ATP13A3: variants seen among roughly 807,000 people sequenced by gnomAD.
The protein encoded by ATP13A3 is polyamine-transporting ATPase 13A3.
In ATP13A3, 59 loss-of-function variants were observed where a neutral mutation model predicts 158.1. The ratio of observed to expected loss-of-function variants is 0.37; its 90% CI spans 0.30 to 0.46. The LOEUF is 0.46. ATP13A3 is among the 20% of genes least tolerant of loss of function. The pLI is 1.00. For synonymous variants in ATP13A3, 491 were observed against 504.3 expected (o/e 0.97, Z 0.35); for missense variants, 1,166 against 1,525.2 (o/e 0.76, Z 3.92).
chr3:194,492,625 T>G (rs1288671038), intron 2 of ATP13A3, among the ~76,000 whole-genome samples: 1 of 152,118 alleles, frequency 6.6e-6, no homozygotes, highest in Non-Finnish European at 1.5e-5. Flanking sequence ...CAGCTAATTT[T>G]TTGTATTTTT....
chr3:194,409,828 C>T (rs1377291541), intron 33 of ATP13A3, among the ~76,000 whole-genome samples: 1 of 150,076 alleles, frequency 6.7e-6, no homozygotes, highest in African/African-American at 2.5e-5. Flanking sequence ...TTGAGAACCA[C>T]GGCCTTATGG....
chr3:194,434,028 A>G (rs969880993), intron 20 of ATP13A3, 132 bp from the exon 21 acceptor site: 1 of 964,668 alleles, frequency 1.0e-6, no homozygotes, highest in Non-Finnish European at 1.5e-6. Context: ...TCTATAAATG[A>G]AAACATTTTA....
chr3:194,407,586 A>G (rs1398501725), intron 33 of ATP13A3, among the ~76,000 whole-genome samples: 2 of 152,180 alleles, frequency 1.3e-5, no homozygotes, highest in Non-Finnish European at 2.9e-5. Flanking sequence ...ACCGCTCTCA[A>G]TGTTAAAGGT....
chr3:194,438,606 C>T (rs1717826785), intron 17 of ATP13A3, among the ~76,000 whole-genome samples: 1 of 152,080 alleles, frequency 6.6e-6, no homozygotes, highest in East Asian at 1.9e-4. Flanking sequence ...GGACTTGTGA[C>T]TTCCTCTTCT....
At chr3:194,460,566 T>C in intron 4 of ATP13A3, 92 bp downstream of exon 4, 3 of 1,304,244 alleles carry the variant, frequency 2.3e-6, no homozygotes, top group Admixed American at 2.2e-5. Flanking sequence ...CAGGCAGCGA[T>C]GTTCCCTTCA....
chr3:194,450,589 G>A (rs1285985885), intron 10 of ATP13A3: 1 of 274,228 alleles, frequency 3.6e-6, no homozygotes, highest in Non-Finnish European at 7.2e-6. Flanking sequence ...TTAGCCTAAG[G>A]AAGAGACACA....
At chr3:194,425,246 C>G (rs552422609) in intron 30 of ATP13A3, 96 bp downstream of exon 30, 2 of 1,145,638 alleles carry the variant, frequency 1.7e-6, no homozygotes, top group Non-Finnish European at 2.5e-6. Context: ...CTGTGAAGAT[C>G]TGGTTTACTG....
intron 2 of ATP13A3, among the ~76,000 whole-genome samples, chr3:194,480,183 C>T (rs1335936716): frequency 6.6e-6 from 1 of 152,150 alleles, no homozygotes; most frequent in African/African-American, 2.4e-5. Context: ...CCCTTTATCA[C>T]CTCTATCTGG....
Position 194,404,848 on chromosome 3 carries a change from A to G in ATP13A3, c.*1071T>C, listed in dbSNP as rs1714829647. ...ACCTCTGGCGCCACCTAATGGCATA[A>G]AACAAACTCATCAAATTCATATTGC... On this transcript the variant is annotated 3_prime_UTR_variant, in exon 34 of 34. Transcript: ENST00000645319. 3 of 152,182 alleles carry G rather than the reference A, an allele frequency of 2.0e-5. No individual in the cohort carries two copies. The highest frequency in any genetic ancestry group is 7.2e-5 in the African/African-American group (3 of 41,428). The allele number at this position is 152,182 out of a possible 1,614,324, so 9.4% of individuals were successfully genotyped here.
At chr3:194,432,161 C>T in intron 21 of ATP13A3, 1 of 375,012 alleles carries the variant, frequency 2.7e-6, no homozygotes, top group African/African-American at 2.1e-5. Flanking sequence ...CTTTTCCAGT[C>T]ATGCACTATT....
chr3:194,431,577 AT>A (rs1390168273), intron 22 of ATP13A3, 139 bp downstream of exon 22: 29 of 882,594 alleles, frequency 3.3e-5, no homozygotes, highest in Non-Finnish European at 4.0e-5. Flanking sequence ...CTAATGAAAC[AT>A]AATCTCTGAA....
chr3:194,443,930 A>C (rs769746681), intron 15 of ATP13A3, among the ~76,000 whole-genome samples: 8 of 152,202 alleles, frequency 5.3e-5, no homozygotes, highest in Non-Finnish European at 8.8e-5. Flanking sequence ...CACACAATAC[A>C]CAGAAGAATG....
intron 17 of ATP13A3, 89 bp downstream of exon 17, chr3:194,438,764 CCTT>C: frequency 1.2e-6 from 1 of 813,032 alleles, no homozygotes; most frequent in Non-Finnish European, 1.8e-6. Context: ...CATAGCAAGA[CCTT>C]GTCTCTATAA....
At position 194,459,486 on chromosome 3, in the gene ATP13A3, T is replaced by G. The variant is rs80091697; in HGVS notation, c.464A>C (p.Asn155Thr). Residue 155 changes from asparagine (N) to threonine (T), a missense_variant, in exon 6 of 34, where the codon AAT (asparagine) becomes ACT (threonine). Physicochemically the swap from Asn to Thr is moderately conservative, Grantham distance 65. Coordinates refer to ENST00000645319, the MANE Select transcript of ATP13A3 (RefSeq NM_001367549.1). The stretch of plus-strand genomic sequence containing the variant: ...AGATACTTACTTTAAGAAATCAAAA[T>G]TGTGAATGGTATCATTCCAGAAATA... Reference protein sequence around the residue: ...VKYFWNDTIHNFDFLKGLDEG... With the variant: ...VKYFWNDTIHTFDFLKGLDEG... 136 of 1,592,256 alleles carry G rather than the reference T, an allele frequency of 8.5e-5. No homozygotes were observed. Among genetic ancestry groups the G allele is most frequent in the Non-Finnish European group, 1.1e-4 (130 of 1,160,670 alleles).
At chr3:194,408,122 C>T (rs778935760) in intron 33 of ATP13A3, among the ~76,000 whole-genome samples, 111 of 151,628 alleles carry the variant, frequency 7.3e-4, no homozygotes, top group Non-Finnish European at 1.4e-3. Flanking sequence ...CGGGTTCAAG[C>T]GATTCTCCTG....
chr3:194,419,937 T>G lies in ATP13A3; in HGVS notation c.3344A>C (p.Tyr1115Ser). 1.3e-6 allele frequency: 2 copies of G among 1,534,118 alleles called. No homozygotes were observed. Among genetic ancestry groups the G allele is most frequent in the Non-Finnish European group, 1.7e-6 (2 of 1,150,102 alleles). ...CAACATGATGAATAATATAAAAATA[T>G]ATAAAAAAATCACAGAAAAAACAAA... ...YFFVFSVIFL[Y>S]IFILFIMLYP... is the part of the protein sequence containing the mutation. The change falls in exon 31 of 34, where the codon TAT becomes TCT. Residue 1115 changes from tyrosine to serine, a missense_variant. Transcript: ENST00000645319.
chr3:194,462,505 C>T (rs539133438), intron 2 of ATP13A3, among the ~76,000 whole-genome samples: 1 of 152,096 alleles, frequency 6.6e-6, no homozygotes, highest in Non-Finnish European at 1.5e-5. Context: ...ATCTAGGGTG[C>T]GTGCTCCTTA....
chr3:194,471,324 TAA>T (rs59967046), intron 2 of ATP13A3, among the ~76,000 whole-genome samples: 2,302 of 88,030 alleles, frequency 0.026, 20 homozygotes, highest in Middle Eastern at 0.052. Context: ...CAGCAAATTC[TAA>T]AAAAAAAAAA....
At chr3:194,423,762 A>AAGAAAT (rs1310552151) in intron 30 of ATP13A3, among the ~76,000 whole-genome samples, 4 of 152,190 alleles carry the variant, frequency 2.6e-5, no homozygotes, top group Non-Finnish European at 5.9e-5. Context: ...AATTTCTTAA[A>AAGAAAT]CCTTTTTTAA....
Sources: gnomAD v4.1 joint callset for allele counts (sites outside exome capture counted in the v4.1 genomes callset) on GRCh38, gnomAD v4.1.1 for gene constraint, MANE v1.5 for transcripts, NCBI Gene and HGNC (gene_info 2026-07-23, HGNC 2026-07-21) for gene names.